LINGO2: variants seen among roughly 807,000 people sequenced by gnomAD.
LINGO2 encodes leucine rich repeat and Ig domain containing 2, also known as leucine-rich repeat and immunoglobulin-like domain-containing nogo receptor-interacting protein 2.
LINGO2 carries 14 observed loss-of-function variants against 30.6 expected under a neutral mutation model. That is an observed-to-expected ratio of 0.46 (90% CI 0.30 to 0.72). The LOEUF (loss-of-function observed/expected upper bound fraction) is 0.72. Ranked by LOEUF, LINGO2 falls within the 30% of genes least tolerant of loss-of-function variation. The pLI, the probability that LINGO2 is intolerant of heterozygous loss-of-function variation, is 0.07. For synonymous variants in LINGO2, 317 were observed against 288.5 expected (o/e 1.10, Z -1.00); for missense variants, 729 against 751.7 (o/e 0.97, Z 0.35).
Position 28,027,284 on chromosome 9 carries a change from A to G in LINGO2, c.-86-14879T>C, listed in dbSNP as rs140535361. Among the ~76,000 whole-genome samples, 11 of 152,260 alleles carry G rather than the reference A, an allele frequency of 7.2e-5. No homozygotes were observed. In the East Asian group the frequency reaches 2.1e-3, roughly 29 times the overall value. On this transcript the variant is annotated intron_variant, in intron 4 of 5. Coordinates refer to ENST00000379992, the Ensembl canonical transcript of LINGO2. ...TTTACGGGTGAGGAAATTGAGGTAT[A>G]GAGAAGTAACTTGTCCAAGATCTCG... is the stretch of plus-strand genomic sequence containing the variant.
the LINGO2 span, among the ~76,000 whole-genome samples, chr9:28,854,442 T>C: frequency 6.6e-6 from 1 of 152,004 alleles, no homozygotes; most frequent in Non-Finnish European, 1.5e-5. Context: ...GTGCTTGTGC[T>C]TTAATGTCTT....
chr9:27,972,183 G>A (rs547153772), intron 5 of LINGO2, among the ~76,000 whole-genome samples: 9 of 152,310 alleles, frequency 5.9e-5, no homozygotes, highest in African/African-American at 1.9e-4. Context: ...AAACTTCTCT[G>A]TCTTGGTTTA....
chr9:28,620,162 A>G (rs1826327256), intron 1 of LINGO2, among the ~76,000 whole-genome samples: 1 of 150,524 alleles, frequency 6.6e-6, no homozygotes, highest in African/African-American at 2.4e-5. Context: ...GCATTCTCCT[A>G]ACTGAGGTAA....
intron 2 of LINGO2, among the ~76,000 whole-genome samples, chr9:28,402,761 C>A (rs979613604): frequency 6.6e-6 from 1 of 152,104 alleles, no homozygotes; most frequent in Non-Finnish European, 1.5e-5. Flanking sequence ...CCCACTATAT[C>A]CCAGGCTATC....
chr9:28,505,711 G>GC, intron 1 of LINGO2, among the ~76,000 whole-genome samples: 1 of 151,742 alleles, frequency 6.6e-6, no homozygotes, highest in East Asian at 1.9e-4. Context: ...ACCAACTAAT[G>GC]CATAACCTGC....
the LINGO2 span, among the ~76,000 whole-genome samples, chr9:28,791,418 G>C: frequency 6.6e-6 from 1 of 151,934 alleles, no homozygotes; most frequent in Non-Finnish European, 1.5e-5. Context: ...CTGTGATTTA[G>C]ACTATGTAAA....
At chr9:28,970,422 A>G in the LINGO2 span, among the ~76,000 whole-genome samples, 2 of 152,170 alleles carry the variant, frequency 1.3e-5, no homozygotes. Flanking sequence ...CATCAGAACA[A>G]AAAATCAGGT....
chr9:28,992,802 T>G, the LINGO2 span, among the ~76,000 whole-genome samples: 1 of 152,042 alleles, frequency 6.6e-6, no homozygotes, highest in African/African-American at 2.4e-5. Flanking sequence ...AATAAAGATG[T>G]TCTTTGAAAC....
chr9:28,860,444 T>A, the LINGO2 span, among the ~76,000 whole-genome samples: 1 of 152,024 alleles, frequency 6.6e-6, no homozygotes, highest in Non-Finnish European at 1.5e-5. Flanking sequence ...TAGATTGCAC[T>A]TGGACTTGAA....
At chr9:29,128,422 A>C in the LINGO2 span, among the ~76,000 whole-genome samples, 1 of 152,132 alleles carries the variant, frequency 6.6e-6, no homozygotes. Context: ...TGATAACCTA[A>C]GGAGGAAACA....
chr9:29,066,166 A>G, the LINGO2 span, among the ~76,000 whole-genome samples: 1 of 151,878 alleles, frequency 6.6e-6, no homozygotes, highest in Non-Finnish European at 1.5e-5. Flanking sequence ...TTGGATTGCT[A>G]TATTTCTTAA....
chr9:29,024,728 C>G, the LINGO2 span, among the ~76,000 whole-genome samples: 5 of 152,018 alleles, frequency 3.3e-5, no homozygotes, highest in Admixed American at 3.3e-4. Flanking sequence ...ATGACATAAC[C>G]CCTAACCCAG....
the LINGO2 span, among the ~76,000 whole-genome samples, chr9:29,212,578 G>A: frequency 6.6e-6 from 1 of 152,046 alleles, no homozygotes; most frequent in African/African-American, 2.4e-5. Flanking sequence ...ATTGGGGGTG[G>A]GTCTGCGGTG....
intron 1 of LINGO2, among the ~76,000 whole-genome samples, chr9:28,656,944 T>C (rs1335020695): frequency 6.6e-6 from 1 of 152,098 alleles, no homozygotes; most frequent in Non-Finnish European, 1.5e-5. Flanking sequence ...ACTCTGCGGA[T>C]AGATCAACAT....
intron 1 of LINGO2, among the ~76,000 whole-genome samples, chr9:28,581,133 A>G (rs1375078115): frequency 2.0e-5 from 3 of 152,000 alleles, no homozygotes; most frequent in Admixed American, 2.0e-4. Context: ...TTTTCTGGTA[A>G]GATCTTGTAA....
Position 28,474,013 on chromosome 9 carries a change from G to A in LINGO2, c.-279+1927C>T, listed in dbSNP as rs377497088. Among the ~76,000 whole-genome samples the A allele has an allele frequency of 6.2e-4, 94 of 152,114 alleles. No homozygotes were observed. In the East Asian group the frequency reaches 6.9e-3, roughly 11 times the overall value. ...TTACTCACAACCAAAAGCTATTCCC[G>A]AACATCTGTGTAATATTACTTTGAC... is the stretch of plus-strand genomic sequence containing the variant. On this transcript the variant is annotated intron_variant, in intron 2 of 5. Transcript: ENST00000379992.
the LINGO2 span, among the ~76,000 whole-genome samples, chr9:28,763,097 C>T: frequency 2.0e-5 from 3 of 151,956 alleles, no homozygotes; most frequent in Non-Finnish European, 4.4e-5. Flanking sequence ...GAAGCCCCTC[C>T]GGGTATTTCA....
At chr9:28,562,457 C>CAAAAAA (rs56998877) in intron 1 of LINGO2, among the ~76,000 whole-genome samples, 14,836 of 108,634 alleles carry the variant, frequency 0.14, 1,321 homozygotes, top group East Asian at 0.23. Flanking sequence ...CATTTACTTT[C>CAAAAAA]AAAAAAAAAA....
intron 1 of LINGO2, among the ~76,000 whole-genome samples, chr9:28,614,868 C>G (rs1241737588): frequency 2.0e-5 from 3 of 152,030 alleles, no homozygotes; most frequent in African/African-American, 7.2e-5. Context: ...CTACATTCAG[C>G]TGAAAGAATA....
Sources: gnomAD v4.1 joint callset for allele counts (sites outside exome capture counted in the v4.1 genomes callset) on GRCh38, gnomAD v4.1.1 for gene constraint, MANE v1.5 for transcripts, NCBI Gene and HGNC (gene_info 2026-07-23, HGNC 2026-07-21) for gene names.